Variants in SV2C observed in about 807,000 individuals in gnomAD.
SV2C encodes the protein solute carrier family 22 member B3.
SV2C carries 49 observed loss-of-function variants against 79.7 expected under a neutral mutation model. The observed-to-expected ratio is 0.61, with a 90% CI of 0.49 to 0.78. SV2C has a LOEUF of 0.78. Ranked by LOEUF, SV2C falls within the 30% of genes least tolerant of loss-of-function variation. The probability of loss-of-function intolerance (pLI) is 0.00; values close to 1 mark genes in which losing one functional copy is unlikely to be tolerated. For synonymous variants in SV2C, 334 were observed against 333.2 expected, an observed-to-expected ratio of 1.00 and a Z score of -0.03; for missense variants, 833 against 912.9, an observed-to-expected ratio of 0.91 and a Z score of 1.13.
intron 12 of SV2C, among the ~76,000 whole-genome samples, chr5:76,339,570 T>C (rs1278685950): frequency 2.6e-5 from 4 of 151,960 alleles, no homozygotes; most frequent in African/African-American, 7.3e-5. Flanking sequence ...AAAAATTAAC[T>C]GGGTGTGGTG....
At chr5:76,057,632 C>A in the SV2C span, among the ~76,000 whole-genome samples, 1 of 152,026 alleles carries the variant, frequency 6.6e-6, no homozygotes, top group Admixed American at 6.6e-5. Context: ...GACATGTGAC[C>A]TTAAACAAGC....
At chr5:76,204,809 A>G (rs1383829303) in intron 3 of SV2C, among the ~76,000 whole-genome samples, 1 of 152,242 alleles carries the variant, frequency 6.6e-6, no homozygotes, top group African/African-American at 2.4e-5. Flanking sequence ...AAGCACAGCA[A>G]CAAACATAAT....
At chr5:76,173,115 G>C (rs1371692944) in intron 2 of SV2C, among the ~76,000 whole-genome samples, 1 of 144,772 alleles carries the variant, frequency 6.9e-6, no homozygotes, top group African/African-American at 2.5e-5. Flanking sequence ...TAATCAAAGC[G>C]CTTATTTTGT....
At chr5:76,051,984 A>G in the SV2C span, among the ~76,000 whole-genome samples, 1 of 152,154 alleles carries the variant, frequency 6.6e-6, no homozygotes. Context: ...TAATAGATCA[A>G]TTTATTTTAT....
chr5:76,262,851 T>C (rs1456148546), intron 4 of SV2C, among the ~76,000 whole-genome samples: 1 of 152,164 alleles, frequency 6.6e-6, no homozygotes, highest in Non-Finnish European at 1.5e-5. Context: ...TTACTTCCAA[T>C]TATGTGGTTT....
chr5:75,887,489 G>C, the SV2C span, among the ~76,000 whole-genome samples: 1 of 151,782 alleles, frequency 6.6e-6, no homozygotes, highest in African/African-American at 2.4e-5. Context: ...AGATGTTCTC[G>C]CATGCCTCAG....
At chr5:75,988,505 A>G in the SV2C span, among the ~76,000 whole-genome samples, 2 of 152,020 alleles carry the variant, frequency 1.3e-5, no homozygotes, top group South Asian at 4.1e-4. Flanking sequence ...GTTGAAGTCA[A>G]TGAAAGCAAA....
the SV2C span, among the ~76,000 whole-genome samples, chr5:76,019,893 C>T: frequency 2.6e-5 from 4 of 152,042 alleles, no homozygotes; most frequent in South Asian, 2.1e-4. Flanking sequence ...TTGACGGATA[C>T]GAGTAAATAG....
chr5:76,067,310 T>A, the SV2C span, among the ~76,000 whole-genome samples: 1 of 152,084 alleles, frequency 6.6e-6, no homozygotes, highest in Non-Finnish European at 1.5e-5. Flanking sequence ...TCAAACTTTT[T>A]CATATTTGTC....
intron 4 of SV2C, among the ~76,000 whole-genome samples, chr5:76,230,563 G>C (rs1258404831): frequency 6.6e-6 from 1 of 152,208 alleles, no homozygotes; most frequent in Admixed American, 6.5e-5. Context: ...GGCCAAGGCG[G>C]GTGGATCACT....
the SV2C span, among the ~76,000 whole-genome samples, chr5:76,032,363 C>G: frequency 6.6e-6 from 1 of 152,112 alleles, no homozygotes; most frequent in East Asian, 1.9e-4. Context: ...CGGCATCTAG[C>G]ATTAGGTATA....
the SV2C span, among the ~76,000 whole-genome samples, chr5:75,991,183 T>C: frequency 3.4e-3 from 523 of 152,112 alleles, 3 homozygotes; most frequent in African/African-American, 0.012. Flanking sequence ...TATCCTTGAT[T>C]CAAATTCTAT....
At chr5:75,992,336 T>C in the SV2C span, among the ~76,000 whole-genome samples, 1 of 152,026 alleles carries the variant, frequency 6.6e-6, no homozygotes, top group Non-Finnish European at 1.5e-5. Context: ...ACATACTATA[T>C]ATGTATATCT....
the SV2C span, among the ~76,000 whole-genome samples, chr5:75,872,341 A>T: frequency 0.12 from 18,921 of 152,000 alleles, 1,392 homozygotes; most frequent in African/African-American, 0.22. Flanking sequence ...TTAATTTATA[A>T]CTTCTTGAAA....
At chr5:76,042,804 A>G in the SV2C span, among the ~76,000 whole-genome samples, 2 of 152,196 alleles carry the variant, frequency 1.3e-5, no homozygotes, top group Non-Finnish European at 2.9e-5. Flanking sequence ...CAAAGAGCCA[A>G]TGGCTGTCTT....
chr5:76,081,033 C>T (rs1216319439), upstream of SV2C, among the ~76,000 whole-genome samples: 1 of 152,136 alleles, frequency 6.6e-6, no homozygotes, highest in African/African-American at 2.4e-5. Context: ...TAGCCTTTTC[C>T]AGTGCAACCT....
intron 12 of SV2C, among the ~76,000 whole-genome samples, chr5:76,347,687 C>G (rs1213850573): frequency 6.6e-6 from 1 of 152,222 alleles, no homozygotes; most frequent in East Asian, 1.9e-4. Flanking sequence ...GGTGATCTGC[C>G]TGCCTCGGCC....
chr5:75,948,520 G>T, the SV2C span, among the ~76,000 whole-genome samples: 1 of 152,090 alleles, frequency 6.6e-6, no homozygotes, highest in East Asian at 2.0e-4. Context: ...TGGTGATAGT[G>T]CCATGAGGAG....
the SV2C span, among the ~76,000 whole-genome samples, chr5:75,944,095 A>G: frequency 6.6e-6 from 1 of 152,116 alleles, no homozygotes; most frequent in Non-Finnish European, 1.5e-5. Context: ...ATAGCTCACT[A>G]TAACCTCAAA....
Sources: allele counts gnomAD v4.1 joint callset (sites outside exome capture counted in the v4.1 genomes callset), GRCh38; gene constraint gnomAD v4.1.1; transcripts MANE v1.5; gene names NCBI Gene and HGNC (gene_info 2026-07-23, HGNC 2026-07-21).